The following CLSPN variants were observed in gnomAD, a reference collection of about 807,000 sequenced individuals.
CLSPN encodes claspin homolog.
In CLSPN, 85 loss-of-function variants were observed where a neutral mutation model predicts 156.3. That is an observed-to-expected ratio of 0.54 (90% CI 0.46 to 0.65). The LOEUF (loss-of-function observed/expected upper bound fraction) is 0.65. Among genes scored for constraint, CLSPN ranks in the 30% least tolerant of loss-of-function variants. The probability of loss-of-function intolerance (pLI) is 0.00; values close to 1 mark genes in which losing one functional copy is unlikely to be tolerated. For synonymous variants in CLSPN, 534 were observed against 542.4 expected (o/e 0.98, Z 0.22); for missense variants, 1,407 against 1,554.9 (o/e 0.90, Z 1.60).
intron 8 of CLSPN, among the ~76,000 whole-genome samples, chr1:35,758,582 T>C (rs1235117786): frequency 6.6e-6 from 1 of 151,674 alleles, no homozygotes; most frequent in African/African-American, 2.4e-5. Flanking sequence ...GAGGCGGAGG[T>C]TGCAGTGAGC....
Position 35,736,891 on chromosome 1 carries a change from ATATTAGTT to A in CLSPN, c.3909+15_3909+22del. The A allele has an allele frequency of 6.2e-7, 1 of 1,607,164 alleles. No homozygotes were observed. On this transcript the variant is annotated intron_variant, in intron 24 of 24. Transcript: ENST00000318121. ...ATAAATTCTGGTTTGGGAAGCCACC[ATATTAGTT>A]CTCAAATTCCATACCTGAGACTTAG...
Position 35,739,267 on chromosome 1 carries a change from G to A in CLSPN, c.3309-10C>T, listed in dbSNP as rs373884636. The A allele has an allele frequency of 1.4e-5, 23 of 1,614,022 alleles. No homozygotes were observed. Among genetic ancestry groups the A allele is most frequent in the Admixed American group, 6.7e-5 (4 of 59,996 alleles). Reference sequence around the variant, plus strand: ...ATCCAACATAGTTTTCCTGCAACAGGAGAAATAAGGTGTTCAAAACAAGGA... The same window carrying A: ...ATCCAACATAGTTTTCCTGCAACAGAAGAAATAAGGTGTTCAAAACAAGGA... On this transcript the variant is annotated splice_polypyrimidine_tract_variant and intron_variant, in intron 19 of 24. Transcript: ENST00000318121.
chr1:35,730,783 G>C (rs377277245), downstream of CLSPN, among the ~76,000 whole-genome samples: 4 of 151,908 alleles, frequency 2.6e-5, no homozygotes, highest in Admixed American at 6.6e-5. Flanking sequence ...TTGCTTGAAC[G>C]GGGGAGACAA....
In CLSPN at chr1:35,749,698, A is replaced by T; in HGVS notation, c.2142T>A (p.Ser714=). 1 of 1,614,194 alleles carries T rather than the reference A, an allele frequency of 6.2e-7. No individual in the cohort carries two copies. The highest frequency in any genetic ancestry group is 8.5e-7 in the Non-Finnish European group (1 of 1,180,008). The part of the protein sequence containing the change: ...SEIGKAVGFL[S]VPKSLSSDST... ...AATCTGATGAGAGAGACTTGGGAACAGAGAGGAAGCCAACTGCCTTGCCAA... is the reference window on the plus strand; with the variant it reads ...AATCTGATGAGAGAGACTTGGGAACTGAGAGGAAGCCAACTGCCTTGCCAA... The change falls in exon 11 of 25, where the codon TCT becomes TCA. Residue 714 remains serine, a synonymous_variant. Transcript: ENST00000318121.
Position 35,733,286 on chromosome 1 carries a change from T to A in CLSPN, c.*3210A>T, listed in dbSNP as rs1294403243. ...CCCAGCCCAGAAACCATTTTCTCCC[T>A]GGATTTCTCAGGCACTAATTTTCTT... On this transcript the variant is annotated 3_prime_UTR_variant, in exon 25 of 25. Transcript: ENST00000318121. 2.3e-5 allele frequency: 5 copies of A among 213,250 alleles called. No individual in the cohort carries two copies. Among genetic ancestry groups the A allele is most frequent in the African/African-American group, 9.4e-5 (4 of 42,438 alleles). 13.2% of individuals were successfully genotyped at this position (213,250 alleles called of 1,614,324 possible).
chr1:35,762,055 T>G lies in CLSPN; in HGVS notation c.838A>C (p.Arg280=). Residue 280 remains arginine, a synonymous_variant, in exon 6 of 25, where the codon AGA becomes CGA. Transcript: ENST00000318121. ...TGTTTTAATGCTTCTTTACTTAATC[T>G]GGCTGCCTTTCTTTCCTTAAAGAAA... ...GTTRKERKAA[R]LSKEALKQLH... 1 of 1,612,446 alleles carries G rather than the reference T, an allele frequency of 6.2e-7. No individual in the cohort carries two copies. Among genetic ancestry groups the G allele is most frequent in the Non-Finnish European group, 8.5e-7 (1 of 1,178,682 alleles).
rs182021554 is a variant in CLSPN, at chr1:35,734,490, G to A, written c.*2006C>T. ...AGGTCAGGAGTTCAAGACCAGCCTG[G>A]CCAACATGGCGAAACCTCATCTCTA... is the stretch of plus-strand genomic sequence containing the variant. On this transcript the variant is annotated 3_prime_UTR_variant, in exon 25 of 25. Transcript: ENST00000318121. The A allele has an allele frequency of 1.3e-4, 59 of 443,086 alleles. No homozygotes were observed. The highest frequency in any genetic ancestry group is 1.2e-3 in the African/African-American group (54 of 46,908). 27.4% of individuals were successfully genotyped at this position (443,086 alleles called of 1,614,324 possible). A position where few individuals can be genotyped will look rare whatever the true frequency, so the allele number is the denominator to read the frequency against.
At chr1:35,722,147 A>AG (rs1557490492) in intron 24 of CLSPN, among the ~76,000 whole-genome samples, 1 of 152,012 alleles carries the variant, frequency 6.6e-6, no homozygotes, top group East Asian at 1.9e-4. Flanking sequence ...TCAAAAAAAA[A>AG]AAATTAAAAT....
In CLSPN at chr1:35,761,160, T is replaced by C; in HGVS notation, c.940A>G (p.Ile314Val). Residue 314 changes from isoleucine (I) to valine (V), a missense_variant, in exon 7 of 25, where the codon ATT becomes GTT. This residue lies in a region of CLSPN where 1,096 missense variants were observed against 1,193.0 expected (regional missense o/e 0.92). Transcript: ENST00000318121. The stretch of plus-strand genomic sequence containing the variant: ...GGTTTACGTTTGAAGAAATCATGAA[T>C]GGTTTTATTCTCAGGCATATGATAT... Reference protein sequence around the residue: ...LPYHMPENKTIHDFFKRKPRP... With the variant: ...LPYHMPENKTVHDFFKRKPRP... 1 of 1,614,002 alleles carries C rather than the reference T, an allele frequency of 6.2e-7. No individual in the cohort carries two copies. Among genetic ancestry groups the C allele is most frequent in the Non-Finnish European group, 8.5e-7 (1 of 1,179,840 alleles).
At chr1:35,743,044 C>T (rs1199517078) in intron 18 of CLSPN, 97 bp downstream of exon 18, 16 of 897,500 alleles carry the variant, frequency 1.8e-5, no homozygotes, top group Non-Finnish European at 2.4e-5. Context: ...GCTTCAGCCT[C>T]CCAAAATGAT....
At chr1:35,760,245 T>A in intron 8 of CLSPN, 97 bp downstream of exon 8, 1 of 909,074 alleles carries the variant, frequency 1.1e-6, no homozygotes. Flanking sequence ...AAGTGGTTAT[T>A]GGTTCCTCCT....
Position 35,747,949 on chromosome 1 carries a change from C to T in CLSPN, c.2585G>A (p.Cys862Tyr), listed in dbSNP as rs761480243. ...TTGGCTCTGAGTGTCATCTTCTAAA[C>T]AGAACTGGAAGTCTCCTGCTCCTAG... Reference protein sequence around the residue: ...LFLGAGDFQFCLEDDTQSQLL... With the variant: ...LFLGAGDFQFYLEDDTQSQLL... Residue 862 changes from cysteine to tyrosine, a missense_variant, in exon 14 of 25, where the codon TGT (cysteine) becomes TAT (tyrosine). Physicochemically the swap from Cys to Tyr is radical, Grantham distance 194 (BLOSUM62 -2). Transcript: ENST00000318121. 1 of 1,614,052 alleles carries T rather than the reference C, an allele frequency of 6.2e-7. No individual in the cohort carries two copies.
Position 35,769,921 on chromosome 1 carries a change from C to G in CLSPN, c.-51G>C, listed in dbSNP as rs547831733. ...TAGGGACGGAGCTGTCTCTGATTCC[C>G]TCAGCCGGAGAGCAGCGGCTCCCGC... On this transcript the variant is annotated 5_prime_UTR_variant, in exon 1 of 25. Transcript: ENST00000318121. The G allele has an allele frequency of 2.5e-6, 4 of 1,599,890 alleles. No individual in the cohort carries two copies. Among genetic ancestry groups the G allele is most frequent in the Non-Finnish European group, 3.4e-6 (4 of 1,172,674 alleles).
At chr1:35,728,722 G>C (rs1557493469), downstream of CLSPN, among the ~76,000 whole-genome samples, 1 of 152,108 alleles carries the variant, frequency 6.6e-6, no homozygotes, top group Non-Finnish European at 1.5e-5. Flanking sequence ...GTCAGCTGCT[G>C]TTCTTCTATA....
At chr1:35,768,589 T>A (rs538892973) in intron 1 of CLSPN, among the ~76,000 whole-genome samples, 70 of 151,746 alleles carry the variant, frequency 4.6e-4, no homozygotes, top group African/African-American at 1.6e-3. Flanking sequence ...ATTTTTTTTT[T>A]TTTGTAGAGG....
downstream of CLSPN, among the ~76,000 whole-genome samples, chr1:35,729,299 C>T (rs571899836): frequency 6.6e-6 from 1 of 152,268 alleles, no homozygotes; most frequent in East Asian, 1.9e-4. Flanking sequence ...ACATCTAGCC[C>T]ACCAGCCATC....
Position 35,734,998 on chromosome 1 carries a change from A to G in CLSPN, c.*1498T>C. 1.0e-6 allele frequency: 1 copy of G among 985,396 alleles called. No homozygotes were observed. Among genetic ancestry groups the G allele is most frequent in the African/African-American group, 1.7e-5 (1 of 57,372 alleles). 61.0% of individuals were successfully genotyped at this position (985,396 alleles called of 1,614,324 possible). On this transcript the variant is annotated 3_prime_UTR_variant, in exon 25 of 25. Coordinates refer to ENST00000318121, the MANE Select transcript of CLSPN (RefSeq NM_022111.4). Reference sequence around the variant, plus strand: ...TTCAATAATATTTTTATTAAATTCCATGGTGGCCTTCTCTCAAAATTAGTA... The same window carrying G: ...TTCAATAATATTTTTATTAAATTCCGTGGTGGCCTTCTCTCAAAATTAGTA...
Position 35,739,143 on chromosome 1 carries a change from T to C in CLSPN, c.3423A>G (p.Lys1141=), listed in dbSNP as rs772130128. ...GPGRMRKFRW[K]NIDDASQMDL... ...AGACAACAACCAAGATACCTATGTT[T>C]TTCCATCGAAACTTCCTCATTCGCC... The change falls in exon 20 of 25, where the codon AAA becomes AAG. Residue 1141 remains lysine, a synonymous_variant. Transcript: ENST00000318121. The C allele has an allele frequency of 6.2e-7, 1 of 1,614,200 alleles. No individual in the cohort carries two copies. Among genetic ancestry groups the C allele is most frequent in the East Asian group, 2.2e-5 (1 of 44,886 alleles).
intron 18 of CLSPN, among the ~76,000 whole-genome samples, chr1:35,741,601 C>G (rs569453366): frequency 6.6e-6 from 1 of 152,256 alleles, no homozygotes; most frequent in African/African-American, 2.4e-5. Flanking sequence ...TAGGCGTGGG[C>G]CACTGCACCC....
Sources: allele counts gnomAD v4.1 joint callset (sites outside exome capture counted in the v4.1 genomes callset), GRCh38; gene constraint gnomAD v4.1.1; regional missense constraint gnomAD v4.1.1; transcripts MANE v1.5; gene names NCBI Gene and HGNC (gene_info 2026-07-23, HGNC 2026-07-21).